The following PPP2R2B variants were observed in gnomAD, a reference collection of about 807,000 sequenced individuals.
The protein encoded by PPP2R2B is protein phosphatase 2 regulatory subunit Bbeta.
PPP2R2B carries 5 observed loss-of-function variants against 46.0 expected under a neutral mutation model. The observed-to-expected ratio is 0.11, with a 90% CI of 0.06 to 0.23. The LOEUF (loss-of-function observed/expected upper bound fraction) is 0.23. Ranked by LOEUF, PPP2R2B falls within the 10% of genes least tolerant of loss-of-function variation. The pLI is 1.00. For synonymous variants in PPP2R2B, 215 were observed against 206.7 expected (o/e 1.04, Z -0.34); for missense variants, 367 against 575.0 (o/e 0.64, Z 3.70).
chr5:146,766,907 G>A (rs249909), intron 2 of PPP2R2B, among the ~76,000 whole-genome samples: 126,579 of 151,794 alleles, frequency 0.83, 53,084 homozygotes, highest in East Asian at 0.89. Context: ...TACAAAAATT[G>A]GCCAGGTGAG....
intron 7 of PPP2R2B, among the ~76,000 whole-genome samples, chr5:146,617,379 A>T (rs1317645753): frequency 6.6e-6 from 1 of 152,256 alleles, no homozygotes; most frequent in Non-Finnish European, 1.5e-5. Flanking sequence ...CGTTTGTAAC[A>T]TAAAGAGTAC....
At chr5:147,007,895 G>C (rs780639523) in intron 1 of PPP2R2B, among the ~76,000 whole-genome samples, 2 of 152,130 alleles carry the variant, frequency 1.3e-5, no homozygotes, top group African/African-American at 4.8e-5. Flanking sequence ...TCACTGTGAG[G>C]GTCCGCGGCT....
At chr5:146,874,236 G>A (rs1045115308) in intron 2 of PPP2R2B, among the ~76,000 whole-genome samples, 6 of 152,162 alleles carry the variant, frequency 3.9e-5, no homozygotes, top group Admixed American at 2.0e-4. Context: ...AGATCCCTGA[G>A]GACAGAGACC....
At chr5:146,842,103 C>A (rs1222239283) in intron 2 of PPP2R2B, among the ~76,000 whole-genome samples, 1 of 152,142 alleles carries the variant, frequency 6.6e-6, no homozygotes, top group Non-Finnish European at 1.5e-5. Context: ...GCATGGAATA[C>A]AACATCCTCC....
chr5:146,978,485 G>A (rs1753019086), intron 1 of PPP2R2B, among the ~76,000 whole-genome samples: 1 of 152,030 alleles, frequency 6.6e-6, no homozygotes, highest in South Asian at 2.1e-4. Flanking sequence ...TTTTCTTCTA[G>A]GGCTTTTATG....
intron 1 of PPP2R2B, among the ~76,000 whole-genome samples, chr5:146,948,160 T>C (rs969417597): frequency 6.6e-6 from 1 of 152,044 alleles, no homozygotes; most frequent in African/African-American, 2.4e-5. Flanking sequence ...GTCTCTCCCA[T>C]GAGGCTTTAA....
intron 2 of PPP2R2B, among the ~76,000 whole-genome samples, chr5:146,781,133 T>TATAC (rs1755489992): frequency 3.6e-5 from 1 of 27,760 alleles, no homozygotes; most frequent in African/African-American, 1.7e-4. Context: ...GCCACCATGA[T>TATAC]ATATATATAT....
At chr5:146,800,108 C>A (rs319837) in intron 2 of PPP2R2B, among the ~76,000 whole-genome samples, 1 of 152,132 alleles carries the variant, frequency 6.6e-6, no homozygotes, top group Non-Finnish European at 1.5e-5. Context: ...TCAATTCAAT[C>A]ATGAAAGAAA....
intron 2 of PPP2R2B, among the ~76,000 whole-genome samples, chr5:146,795,670 CAG>C (rs1756485907): frequency 6.6e-6 from 1 of 152,040 alleles, no homozygotes; most frequent in Non-Finnish European, 1.5e-5. Flanking sequence ...TAAAACAAAA[CAG>C]AAAAAACCAC....
chr5:147,054,313 A>C (rs954954095), intron 1 of PPP2R2B, among the ~76,000 whole-genome samples: 2 of 152,188 alleles, frequency 1.3e-5, no homozygotes, highest in African/African-American at 4.8e-5. Context: ...TTAGATCTTT[A>C]GTATTTGAAA....
intron 5 of PPP2R2B, among the ~76,000 whole-genome samples, chr5:146,688,424 T>C (rs1209783088): frequency 6.6e-6 from 1 of 151,776 alleles, no homozygotes; most frequent in East Asian, 1.9e-4. Flanking sequence ...AAAATGCAGA[T>C]TCCTCTGGGC....
chr5:146,836,375 G>A (rs924789892), intron 2 of PPP2R2B, among the ~76,000 whole-genome samples: 53 of 152,196 alleles, frequency 3.5e-4, no homozygotes, highest in Non-Finnish European at 6.6e-4. Flanking sequence ...TATTGGGATG[G>A]ATGGCAAGAA....
At chr5:146,762,036 T>A (rs979653266) in intron 2 of PPP2R2B, among the ~76,000 whole-genome samples, 1 of 152,118 alleles carries the variant, frequency 6.6e-6, no homozygotes, top group Non-Finnish European at 1.5e-5. Context: ...CCTGAAGACA[T>A]CTTAGCATCT....
intron 1 of PPP2R2B, among the ~76,000 whole-genome samples, chr5:147,041,552 G>A (rs1756300577): frequency 6.6e-6 from 1 of 151,930 alleles, no homozygotes; most frequent in South Asian, 2.1e-4. Context: ...AAGTTCAGTG[G>A]TGCCATTTTT....
At chr5:146,643,200 GAGA>G (rs1775336686) in intron 6 of PPP2R2B, among the ~76,000 whole-genome samples, 1 of 152,062 alleles carries the variant, frequency 6.6e-6, no homozygotes, top group African/African-American at 2.4e-5. Context: ...GAGAGAGAGA[GAGA>G]GAGGGAGACA....
intron 7 of PPP2R2B, among the ~76,000 whole-genome samples, chr5:146,615,933 G>GCTAT (rs1234885241): frequency 6.6e-6 from 1 of 152,050 alleles, no homozygotes; most frequent in Non-Finnish European, 1.5e-5. Context: ...AATAGCCAAG[G>GCTAT]CTATCTTAAG....
At chr5:146,777,135 A>T (rs1755233675) in intron 2 of PPP2R2B, among the ~76,000 whole-genome samples, 1 of 152,114 alleles carries the variant, frequency 6.6e-6, no homozygotes, top group Non-Finnish European at 1.5e-5. Flanking sequence ...ATGCACCCCA[A>T]ATAATTGAAA....
At chr5:146,886,385 A>AT (rs1762328350) in intron 1 of PPP2R2B, among the ~76,000 whole-genome samples, 1 of 151,312 alleles carries the variant, frequency 6.6e-6, no homozygotes, top group African/African-American at 2.4e-5. Context: ...ACTAAAATAA[A>AT]ATAAAATAAA....
At chr5:147,032,829 G>T (rs1755854655) in intron 1 of PPP2R2B, among the ~76,000 whole-genome samples, 1 of 152,198 alleles carries the variant, frequency 6.6e-6, no homozygotes, top group South Asian at 2.1e-4. Context: ...GCGTGTGCAA[G>T]TATCTTTTTC....
Sources: allele counts gnomAD v4.1 joint callset (sites outside exome capture counted in the v4.1 genomes callset), GRCh38; gene constraint gnomAD v4.1.1; transcripts MANE v1.5; gene names NCBI Gene and HGNC (gene_info 2026-07-23, HGNC 2026-07-21).